Variants in KAZN observed in about 807,000 individuals in gnomAD.
The protein encoded by KAZN is kazrin, periplakin interacting protein, also known as kazrin.
In KAZN, 40 loss-of-function variants were observed where a neutral mutation model predicts 87.4. That is an observed-to-expected ratio of 0.46 (90% confidence interval 0.36 to 0.60). The LOEUF is 0.60. Ranked by LOEUF, KAZN falls within the 20% of genes least tolerant of loss-of-function variation. The pLI is 0.00. For missense variants in KAZN, 898 were observed against 1,073.9 expected (o/e 0.84, Z 2.29); for synonymous variants, 466 against 458.3 (o/e 1.02, Z -0.22).
intron 1 of KAZN, among the ~76,000 whole-genome samples, chr1:14,816,989 G>T (rs1235312506): frequency 6.6e-6 from 1 of 152,182 alleles, no homozygotes; most frequent in African/African-American, 2.4e-5. Flanking sequence ...GGGAAACTGA[G>T]GTTTAGAGAG....
chr1:13,998,036 A>T (rs1339510047), intron 1 of KAZN, among the ~76,000 whole-genome samples: 1 of 152,242 alleles, frequency 6.6e-6, no homozygotes, highest in Non-Finnish European at 1.5e-5. Context: ...CTTTCAGGAG[A>T]AACTCTGCAA....
chr1:13,971,988 G>T (rs1247084852), intron 1 of KAZN, among the ~76,000 whole-genome samples: 1 of 152,128 alleles, frequency 6.6e-6, no homozygotes, highest in Admixed American at 6.5e-5. Flanking sequence ...GCAGAACCAT[G>T]AGCCAGTTAA....
intron 2 of KAZN, among the ~76,000 whole-genome samples, chr1:14,306,764 G>T (rs1223020047): frequency 6.6e-6 from 1 of 152,088 alleles, no homozygotes; most frequent in Non-Finnish European, 1.5e-5. Context: ...CCCAGACAGG[G>T]CCTAGAAGTT....
chr1:14,196,703 G>C (rs1215749272), intron 2 of KAZN, among the ~76,000 whole-genome samples: 1 of 152,092 alleles, frequency 6.6e-6, no homozygotes, highest in Non-Finnish European at 1.5e-5. Flanking sequence ...TGAGAAGCCT[G>C]GGGTTCAGGG....
intron 1 of KAZN, among the ~76,000 whole-genome samples, chr1:14,052,433 G>A (rs1213580688): frequency 1.3e-5 from 2 of 152,106 alleles, no homozygotes; most frequent in African/African-American, 4.8e-5. Flanking sequence ...GGTGGCCGCT[G>A]CTACACCAAG....
At chr1:15,047,444 G>T (rs1198458297) in intron 4 of KAZN, among the ~76,000 whole-genome samples, 1 of 152,202 alleles carries the variant, frequency 6.6e-6, no homozygotes, top group African/African-American at 2.4e-5. Flanking sequence ...GCAGTGGGGA[G>T]GTGGAGGGCG....
At chr1:14,569,558 A>G (rs1674737838) in intron 2 of KAZN, among the ~76,000 whole-genome samples, 1 of 151,420 alleles carries the variant, frequency 6.6e-6, no homozygotes, top group African/African-American at 2.4e-5. Flanking sequence ...TCCTGACCTC[A>G]AGATCTGCCC....
intron 1 of KAZN, among the ~76,000 whole-genome samples, chr1:14,880,550 G>A (rs1475267725): frequency 1.3e-5 from 2 of 152,188 alleles, no homozygotes; most frequent in Non-Finnish European, 1.5e-5. Context: ...CCTCATCTGG[G>A]AGGAATCAAA....
chr1:14,701,611 G>A (rs751981192), intron 1 of KAZN, among the ~76,000 whole-genome samples: 1 of 152,160 alleles, frequency 6.6e-6, no homozygotes, highest in Non-Finnish European at 1.5e-5. Context: ...GAGCAACATG[G>A]TAAAATCCCA....
At chr1:14,374,059 G>A (rs1416272306) in intron 2 of KAZN, among the ~76,000 whole-genome samples, 1 of 152,168 alleles carries the variant, frequency 6.6e-6, no homozygotes, top group Non-Finnish European at 1.5e-5. Context: ...GTAGTTGGAG[G>A]AGGTTGATAA....
chr1:13,973,597 G>A (rs2359898), intron 1 of KAZN, among the ~76,000 whole-genome samples: 7,834 of 152,282 alleles, frequency 0.051, 655 homozygotes, highest in African/African-American at 0.18. Context: ...CAGCTTTCCA[G>A]TGTTTGTAGC....
chr1:14,720,802 T>G (rs1440144624), intron 1 of KAZN, among the ~76,000 whole-genome samples: 1 of 152,116 alleles, frequency 6.6e-6, no homozygotes, highest in Non-Finnish European at 1.5e-5. Context: ...CTGCAACGTC[T>G]GCCTACCAGG....
At chr1:15,088,079 G>GT (rs1557789173) in intron 8 of KAZN, among the ~76,000 whole-genome samples, 4 of 152,204 alleles carry the variant, frequency 2.6e-5, no homozygotes, top group African/African-American at 9.6e-5. Context: ...TCTCTATGTG[G>GT]TCTTTTGCAC....
chr1:14,565,307 T>C (rs1674489955), intron 2 of KAZN, among the ~76,000 whole-genome samples: 1 of 152,206 alleles, frequency 6.6e-6, no homozygotes, highest in South Asian at 2.1e-4. Context: ...CCAGTGCATA[T>C]AAAAGTTGTA....
At chr1:14,106,237 G>A (rs1239708304) in intron 1 of KAZN, among the ~76,000 whole-genome samples, 1 of 152,196 alleles carries the variant, frequency 6.6e-6, no homozygotes, top group African/African-American at 2.4e-5. Context: ...ACCCAACACA[G>A]CTCTGACTAA....
chr1:14,084,430 A>G (rs1163331963), intron 1 of KAZN, among the ~76,000 whole-genome samples: 3 of 152,160 alleles, frequency 2.0e-5, no homozygotes, highest in African/African-American at 4.8e-5. Context: ...GACCCTATAC[A>G]GTGAAAAAAT....
intron 2 of KAZN, among the ~76,000 whole-genome samples, chr1:14,321,927 C>T (rs1656077590): frequency 6.6e-6 from 1 of 152,212 alleles, no homozygotes; most frequent in Non-Finnish European, 1.5e-5. Context: ...AATGAACTCT[C>T]ACTGGGCTCT....
intron 1 of KAZN, among the ~76,000 whole-genome samples, chr1:13,965,840 A>G (rs999933291): frequency 2.0e-5 from 3 of 152,194 alleles, no homozygotes; most frequent in Non-Finnish European, 4.4e-5. Flanking sequence ...ACCTGAATGT[A>G]AAATGTTTTC....
chr1:14,231,283 C>T (rs1479289547), intron 2 of KAZN, among the ~76,000 whole-genome samples: 1 of 152,092 alleles, frequency 6.6e-6, no homozygotes, highest in Non-Finnish European at 1.5e-5. Flanking sequence ...CAAATGAGCC[C>T]CTGAATTGCT....
Sources: gnomAD v4.1 joint callset for allele counts (sites outside exome capture counted in the v4.1 genomes callset) on GRCh38, gnomAD v4.1.1 for gene constraint, MANE v1.5 for transcripts, NCBI Gene and HGNC (gene_info 2026-07-23, HGNC 2026-07-21) for gene names.